PARP16: variants seen among roughly 807,000 people sequenced by gnomAD.
PARP16 encodes protein mono-ADP-ribosyltransferase PARP16.
PARP16 carries 31 observed loss-of-function variants against 35.0 expected under a neutral mutation model. The observed-to-expected ratio is 0.88, with a 90% CI of 0.66 to 1.19. The LOEUF is 1.19. Among genes scored for constraint, PARP16 ranks in the 50% most tolerant of loss-of-function variants. The probability of loss-of-function intolerance (pLI) is 0.00; values close to 1 mark genes in which losing one functional copy is unlikely to be tolerated. For missense variants in PARP16, 424 were observed against 411.2 expected (o/e 1.03, Z -0.27); for synonymous variants, 162 against 169.5 (o/e 0.96, Z 0.34).
In PARP16 at chr15:65,266,577, G is replaced by C. The variant is rs1276559090; in HGVS notation, c.504C>G (p.His168Gln). 3 of 1,613,608 alleles carry C rather than the reference G, an allele frequency of 1.9e-6. No individual in the cohort carries two copies. The highest frequency in any genetic ancestry group is 2.5e-6 in the Non-Finnish European group (3 of 1,179,610). Residue 168 changes from histidine to glutamine, a missense_variant, in exon 3 of 6, where the codon CAC becomes CAG. Transcript: ENST00000649807. Reference sequence around the variant, plus strand: ...TAGGCCCCACCTTGTTCAGATGGCAGTGCAGGCCATTGTGGATAATGGAAT... The same window carrying C: ...TAGGCCCCACCTTGTTCAGATGGCACTGCAGGCCATTGTGGATAATGGAAT... ...NFHSIIHNGLHCHLNKTSLFG... is the reference protein window; with the variant it reads ...NFHSIIHNGLQCHLNKTSLFG...
At chr15:65,268,698 C>T (rs1286751403) in intron 2 of PARP16, among the ~76,000 whole-genome samples, 1 of 152,146 alleles carries the variant, frequency 6.6e-6, no homozygotes, top group Non-Finnish European at 1.5e-5. Flanking sequence ...CCCACCTTGG[C>T]CTCCCAAAGT....
At chr15:65,268,497 G>C (rs572698343) in intron 2 of PARP16, among the ~76,000 whole-genome samples, 2 of 152,238 alleles carry the variant, frequency 1.3e-5, no homozygotes, top group African/African-American at 2.4e-5. Context: ...CCAGGCTGGA[G>C]TGCAGTGGTG....
chr15:65,241,843 C>T (rs985045250), intron 3 of PARP16, among the ~76,000 whole-genome samples: 3 of 151,898 alleles, frequency 2.0e-5, no homozygotes, highest in African/African-American at 4.8e-5. Context: ...TTTCTCCCAC[C>T]GACAGTTGTC....
rs761097376 is a variant in PARP16 at position 65,261,040 on chromosome 15, GTA to G, written c.692-16_692-15del. On this transcript the variant is annotated splice_polypyrimidine_tract_variant and intron_variant, in intron 4 of 5. Transcript: ENST00000649807. ...TCTCCTTGGAATCTGAATAAGGAGA[GTA>G]AAACACATCTTCACTGGGGGAAACA... 17 of 1,608,786 alleles carry G rather than the reference GTA, an allele frequency of 1.1e-5. No homozygotes were observed. The highest frequency in any genetic ancestry group is 1.4e-5 in the Non-Finnish European group (17 of 1,175,880).
At chr15:65,258,064 A>G (rs2089568000), downstream of PARP16, 1 of 152,266 alleles carries the variant, frequency 6.6e-6, no homozygotes, top group Non-Finnish European at 1.5e-5. Context: ...GCAGACTCAC[A>G]CTAAGGCTAA....
intron 5 of PARP16, 153 bp from the exon 6 acceptor site, chr15:65,259,695 A>G (rs1303755102): frequency 2.7e-6 from 2 of 742,206 alleles, no homozygotes; most frequent in Non-Finnish European, 4.4e-6. Flanking sequence ...TTGCTCAAGA[A>G]ACCTGGGGCT....
At chr15:65,266,504 C>G (rs1196976938) in intron 3 of PARP16, 58 bp downstream of exon 3, 22 of 1,427,080 alleles carry the variant, frequency 1.5e-5, no homozygotes, top group Middle Eastern at 1.8e-4. Flanking sequence ...TCCCCCTCCC[C>G]ACTCTCCCAC....
chr15:65,257,234 T>G (rs2089540919), downstream of PARP16, among the ~76,000 whole-genome samples: 1 of 152,098 alleles, frequency 6.6e-6, no homozygotes, highest in Non-Finnish European at 1.5e-5. Context: ...CTGGCCAACA[T>G]GGTAAAACCC....
chr15:65,281,190 GAC>G (rs1567040419), intron 1 of PARP16, among the ~76,000 whole-genome samples: 1 of 152,214 alleles, frequency 6.6e-6, no homozygotes, highest in Non-Finnish European at 1.5e-5. Context: ...TGTGTCAAGT[GAC>G]AAACCTGAAG....
intron 1 of PARP16, among the ~76,000 whole-genome samples, chr15:65,279,277 CCACA>C (rs1342197744): frequency 6.6e-6 from 1 of 152,136 alleles, no homozygotes; most frequent in Non-Finnish European, 1.5e-5. Flanking sequence ...CAAGACAGCG[CCACA>C]CAAACAGTAA....
At chr15:65,234,038 T>C (rs2088819066), downstream of PARP16, among the ~76,000 whole-genome samples, 1 of 152,204 alleles carries the variant, frequency 6.6e-6, no homozygotes, top group South Asian at 2.1e-4. Context: ...ACTAGATCAG[T>C]AGTTCTTAAC....
At chr15:65,244,327 C>A (rs1394333567) in intron 3 of PARP16, among the ~76,000 whole-genome samples, 1 of 152,120 alleles carries the variant, frequency 6.6e-6, no homozygotes, top group East Asian at 1.9e-4. Flanking sequence ...AAGACATACC[C>A]AAGACTGGGT....
chr15:65,242,945 C>A (rs753247831), intron 3 of PARP16, among the ~76,000 whole-genome samples: 1 of 152,024 alleles, frequency 6.6e-6, no homozygotes, highest in East Asian at 1.9e-4. Context: ...GAACTCCTGA[C>A]CTCAGGTGAT....
chr15:65,242,126 C>G (rs932239786), intron 3 of PARP16, among the ~76,000 whole-genome samples: 2 of 152,168 alleles, frequency 1.3e-5, no homozygotes, highest in African/African-American at 2.4e-5. Flanking sequence ...GTTGAAAATA[C>G]TATCTTTTCC....
intron 4 of PARP16, among the ~76,000 whole-genome samples, chr15:65,261,393 T>A (rs1049244997): frequency 1.4e-5 from 2 of 147,498 alleles, no homozygotes; most frequent in South Asian, 2.1e-4. Flanking sequence ...TATATAAATT[T>A]TATATATATT....
chr15:65,267,844 C>T (rs1006255804), intron 2 of PARP16, among the ~76,000 whole-genome samples: 2 of 151,302 alleles, frequency 1.3e-5, no homozygotes, highest in Non-Finnish European at 2.9e-5. Context: ...TGCGTGCCAC[C>T]ACCCCTGGCT....
At chr15:65,259,582 G>A in intron 5 of PARP16, 40 bp from the exon 6 acceptor site, 1 of 1,599,354 alleles carries the variant, frequency 6.3e-7, no homozygotes, top group South Asian at 1.1e-5. Context: ...GGCAAAAAGA[G>A]AAAAACATTT....
chr15:65,235,283 G>C (rs1270422488), intron 3 of PARP16, among the ~76,000 whole-genome samples: 1 of 151,524 alleles, frequency 6.6e-6, no homozygotes, highest in Non-Finnish European at 1.5e-5. Flanking sequence ...CTTCAGCCTG[G>C]GCGACAGAAA....
At chr15:65,269,925 A>G (rs2090040649) in intron 2 of PARP16, among the ~76,000 whole-genome samples, 1 of 152,216 alleles carries the variant, frequency 6.6e-6, no homozygotes, top group African/African-American at 2.4e-5. Context: ...ACATAACAAC[A>G]GTGAAACCCA....
Sources: gnomAD v4.1 joint callset for allele counts (sites outside exome capture counted in the v4.1 genomes callset) on GRCh38, gnomAD v4.1.1 for gene constraint, MANE v1.5 for transcripts, NCBI Gene and HGNC (gene_info 2026-07-23, HGNC 2026-07-21) for gene names.